The following MCF2L variants were observed in gnomAD, a reference collection of about 807,000 sequenced individuals.
MCF2L encodes guanine nucleotide exchange factor DBS.
Under a neutral mutation model 153.4 loss-of-function variants are expected in MCF2L, and 97 were observed. That is an observed-to-expected ratio of 0.63 (90% CI 0.54 to 0.75). MCF2L has a LOEUF of 0.75. Among genes scored for constraint, MCF2L ranks in the 30% least tolerant of loss-of-function variants. The pLI is 0.00. For synonymous variants in MCF2L, 659 were observed against 632.2 expected (o/e 1.04, Z -0.64); for missense variants, 1,347 against 1,495.2 (o/e 0.90, Z 1.64).
chr13:113,022,646 C>T (rs975210831), intron 2 of MCF2L, among the ~76,000 whole-genome samples: 4 of 152,364 alleles, frequency 2.6e-5, no homozygotes, highest in Admixed American at 6.5e-5. Context: ...CTCGGCTTGT[C>T]CCGGCAGAAC....
At chr13:113,078,255 C>T in intron 13 of MCF2L, 108 bp from the exon 14 acceptor site, 1 of 889,738 alleles carries the variant, frequency 1.1e-6, no homozygotes, top group South Asian at 1.5e-5. Context: ...CCTGTGGCCT[C>T]AGAGGCCGAG....
intron 4 of MCF2L, among the ~76,000 whole-genome samples, chr13:113,051,761 C>T (rs2087346594): frequency 6.6e-6 from 1 of 152,216 alleles, no homozygotes; most frequent in Non-Finnish European, 1.5e-5. Flanking sequence ...GGTGAGATCC[C>T]TCTTGCTGGT....
rs372881311 is a variant in MCF2L, at chr13:113,088,340, A to C, written c.2702A>C (p.Glu901Ala). The C allele has an allele frequency of 6.2e-7, 1 of 1,613,994 alleles. No individual in the cohort carries two copies. Among genetic ancestry groups the C allele is most frequent in the Non-Finnish European group, 8.5e-7 (1 of 1,180,022 alleles). ...TTGGGGAAACAGGCGCCAACTCCTGAGATTAAAGCCGCGTGGGTGAATGAA... is the reference window on the plus strand; with the variant it reads ...TTGGGGAAACAGGCGCCAACTCCTGCGATTAAAGCCGCGTGGGTGAATGAA... ...EVYIVQAPTP[E>A]IKAAWVNEIR... is the part of the protein sequence containing the mutation. Residue 901 changes from glutamate (E) to alanine (A), a missense_variant, in exon 24 of 30, where the codon GAG becomes GCG. By Grantham distance (107) the Glu-to-Ala change is moderately radical (BLOSUM62 -1). Coordinates refer to ENST00000535094, the MANE Select transcript of MCF2L (RefSeq NM_001112732.3).
rs761914469 is a variant in MCF2L at position 113,087,774 on chromosome 13, C to T, written c.2663C>T (p.Ala888Val). Residue 888 changes from alanine to valine, a missense_variant, in exon 23 of 30, where the codon GCG becomes GTG. By Grantham distance (64) the Ala-to-Val change is moderately conservative. This residue lies in a region of MCF2L where 383 missense variants were observed against 335.4 expected (regional missense o/e 1.14). Transcript: ENST00000535094. ...AAGAAGTTCGAGATCTGGTACAACG[C>T]GCGCGAGGAGGTCTACATCGTCCAG... is the stretch of plus-strand genomic sequence containing the variant. ...DAKKFEIWYN[A>V]REEVYIVQAP... 19 of 1,613,994 alleles carry T rather than the reference C, an allele frequency of 1.2e-5. No homozygotes were observed. Among genetic ancestry groups the T allele is most frequent in the East Asian group, 8.9e-5 (4 of 44,890 alleles).
chr13:113,016,595 C>T (rs1404683750), intron 2 of MCF2L, among the ~76,000 whole-genome samples: 1 of 152,010 alleles, frequency 6.6e-6, no homozygotes, highest in Non-Finnish European at 1.5e-5. Flanking sequence ...AAGATGGAGT[C>T]CCCTGTGGTA....
intron 3 of MCF2L, among the ~76,000 whole-genome samples, chr13:113,029,728 G>A (rs2085530039): frequency 6.6e-6 from 1 of 152,218 alleles, no homozygotes; most frequent in African/African-American, 2.4e-5. Context: ...GACCAAGAGA[G>A]GGAGGGGAGC....
chr13:113,042,219 G>C (rs1290660583), intron 3 of MCF2L: 1 of 152,226 alleles, frequency 6.6e-6, no homozygotes, highest in Non-Finnish European at 1.5e-5. Context: ...TGGTGAGCAT[G>C]GCTGGGGCAG....
intron 1 of MCF2L, among the ~76,000 whole-genome samples, chr13:112,901,067 GGCA>G (rs1427677130): frequency 6.6e-6 from 1 of 152,218 alleles, no homozygotes; most frequent in Admixed American, 6.5e-5. Context: ...CTGAGGCCCA[GGCA>G]GCAGCAGAAC....
At position 112,980,407 on chromosome 13, in the gene MCF2L, G is replaced by A. The variant is rs546643528; in HGVS notation, c.79+10949G>A. 3.3e-5 allele frequency among the ~76,000 whole-genome samples: 5 copies of A among 152,390 alleles called. No homozygotes were observed. The South Asian group carries it at 8.3e-4, about 25-fold the overall frequency. On this transcript the variant is annotated intron_variant, in intron 1 of 29. Coordinates refer to ENST00000535094, the MANE Select transcript of MCF2L (RefSeq NM_001112732.3). ...ACGGTGGGCTGTGGAACGTGGGGCA[G>A]AAGTTGGCTGGGGCCAGCCCCCACC...
chr13:112,974,631 G>A (rs1018785925), intron 1 of MCF2L, among the ~76,000 whole-genome samples: 2 of 152,208 alleles, frequency 1.3e-5, no homozygotes, highest in African/African-American at 4.8e-5. Context: ...AAATATGAGA[G>A]ATACTGGAGG....
chr13:113,027,450 G>A lies in MCF2L; in HGVS notation c.278+2692G>A, dbSNP rs1039859160. Among the ~76,000 whole-genome samples the A allele has an allele frequency of 8.5e-5, 13 of 152,284 alleles. No individual in the cohort carries two copies. The South Asian group carries it at 1.5e-3, about 17-fold the overall frequency. ...TTGGTGGGCAGAAAGAAGGGGGCTC[G>A]TGACTGACTATGGTCAAAGCCCTGG... On this transcript the variant is annotated intron_variant, in intron 3 of 29. Transcript: ENST00000535094. The surrounding 1 kb of genome is among the most constrained non-coding windows in gnomAD (Gnocchi z 4.8).
Position 112,932,777 on chromosome 13 carries a change from T to G in MCF2L, c.169+30406T>G, listed in dbSNP as rs2140629341. Among the ~76,000 whole-genome samples, 1 of 152,298 alleles carries G rather than the reference T, an allele frequency of 6.6e-6. No homozygotes were observed. Among genetic ancestry groups the G allele is most frequent in the Admixed American group, 6.5e-5 (1 of 15,296 alleles). On this transcript the variant is annotated intron_variant, in intron 2 of 29. Coordinates refer to the MCF2L transcript ENST00000375608. The surrounding 1 kb of genome is among the most constrained non-coding windows in gnomAD (Gnocchi z 4.6). ...TGGGTGCGGTGGCTGGCACCTGTAA[T>G]CCCAGCACTTTGGGAGGTCAACGCG...
intron 2 of MCF2L, among the ~76,000 whole-genome samples, chr13:112,959,429 C>T (rs1301203300): frequency 2.6e-5 from 4 of 152,044 alleles, no homozygotes; most frequent in East Asian, 1.9e-4. Context: ...GGCACGGCCT[C>T]GGTGTTTAGG....
chr13:113,030,535 T>C (rs2085613578), intron 3 of MCF2L, among the ~76,000 whole-genome samples: 2 of 141,968 alleles, frequency 1.4e-5, no homozygotes, highest in African/African-American at 2.7e-5. Flanking sequence ...GTGTGGGCCC[T>C]CGGGTGTCCA....
chr13:113,088,677 A>G, intron 25 of MCF2L, 49 bp downstream of exon 25: 1 of 1,576,242 alleles, frequency 6.3e-7, no homozygotes, highest in Non-Finnish European at 8.6e-7. Flanking sequence ...AGCAGTCCCG[A>G]GCAGGCCATT....
chr13:112,923,093 C>T (rs2081368551), intron 2 of MCF2L, among the ~76,000 whole-genome samples: 1 of 152,066 alleles, frequency 6.6e-6, no homozygotes, highest in Non-Finnish European at 1.5e-5. Flanking sequence ...ACAAAGAATT[C>T]TCGTATATAA....
rs982946954 is a variant in MCF2L, at chr13:113,053,657, G to A, written c.370-6936G>A. Among the ~76,000 whole-genome samples the A allele has an allele frequency of 6.6e-6, 1 of 152,340 alleles. No individual in the cohort carries two copies. Among genetic ancestry groups the A allele is most frequent in the African/African-American group, 2.4e-5 (1 of 41,594 alleles). On this transcript the variant is annotated intron_variant, in intron 4 of 29. Coordinates refer to ENST00000535094, the MANE Select transcript of MCF2L (RefSeq NM_001112732.3). The surrounding 1 kb of genome is among the most constrained non-coding windows in gnomAD (Gnocchi z 4.4). ...AGGTGTCCACTGACCGTTTCTGCCT[G>A]AATGGGTGGTTCGGTGGTGGTTGCC...
chr13:112,981,799 G>C (rs1308637685), intron 1 of MCF2L, among the ~76,000 whole-genome samples: 1 of 152,256 alleles, frequency 6.6e-6, no homozygotes, highest in African/African-American at 2.4e-5. Context: ...TGGGCCGCCA[G>C]CGTGACCCAC....
intron 1 of MCF2L, among the ~76,000 whole-genome samples, chr13:112,995,576 C>T (rs945137699): frequency 3.9e-5 from 6 of 152,130 alleles, no homozygotes; most frequent in South Asian, 2.1e-4. Flanking sequence ...GGTGAGCCTG[C>T]GGCGTTGTGG....
Sources: allele counts gnomAD v4.1 joint callset (sites outside exome capture counted in the v4.1 genomes callset), GRCh38; gene constraint gnomAD v4.1.1; regional missense constraint gnomAD v4.1.1; non-coding constraint Gnocchi (gnomAD v3.1); transcripts MANE v1.5; gene names NCBI Gene and HGNC (gene_info 2026-07-23, HGNC 2026-07-21).